ZZZ3: variants seen among roughly 807,000 people sequenced by gnomAD.
ZZZ3 encodes the protein zinc finger ZZ-type containing 3, also known as ZZ-type zinc finger-containing protein 3.
ZZZ3 carries 22 observed loss-of-function variants against 95.2 expected under a neutral mutation model. The ratio of observed to expected loss-of-function variants is 0.23; its 90% CI spans 0.17 to 0.33. The LOEUF (loss-of-function observed/expected upper bound fraction) is 0.33, where lower values mean the gene tolerates loss of function less well. Ranked by LOEUF, ZZZ3 falls within the 10% of genes least tolerant of loss-of-function variation. The probability of loss-of-function intolerance (pLI) is 1.00; values close to 1 mark genes in which losing one functional copy is unlikely to be tolerated. For synonymous variants in ZZZ3, 335 were observed against 358.9 expected (o/e 0.93, Z 0.75); for missense variants, 885 against 1,066.5 (o/e 0.83, Z 2.37).
Position 77,576,265 on chromosome 1 carries a change from T to C in ZZZ3, c.2179-45A>G, listed in dbSNP as rs759790880. On this transcript the variant is annotated intron_variant, in intron 11 of 14. Transcript: ENST00000370801. ...TTTAATTGGTTCAGTGAAAAATCAT[T>C]ACAAGAATCAAAAATATAAAAATAC... The C allele has an allele frequency of 1.5e-5, 22 of 1,472,948 alleles. No individual in the cohort carries two copies. The East Asian group carries it at 4.6e-4, about 31-fold the overall frequency. The allele number at this position is 1,472,948 out of a possible 1,614,324, so 91.2% of individuals were successfully genotyped here.
At chr1:77,664,477 A>G (rs927696681) in intron 1 of ZZZ3, among the ~76,000 whole-genome samples, 22 of 152,338 alleles carry the variant, frequency 1.4e-4, no homozygotes, top group African/African-American at 4.8e-4. Flanking sequence ...AGGCTCCTCG[A>G]AGGAATAGAG....
At chr1:77,616,464 C>A (rs1216946171) in intron 5 of ZZZ3, among the ~76,000 whole-genome samples, 1 of 152,216 alleles carries the variant, frequency 6.6e-6, no homozygotes, top group African/African-American at 2.4e-5. Context: ...TGTTTAAAAA[C>A]TTCCCCTAAA....
chr1:77,592,384 C>A (rs533513427), intron 5 of ZZZ3, among the ~76,000 whole-genome samples: 1 of 152,278 alleles, frequency 6.6e-6, no homozygotes, highest in South Asian at 2.1e-4. Flanking sequence ...CTCACTGCAA[C>A]CTCCGCCTCC....
intron 5 of ZZZ3, among the ~76,000 whole-genome samples, chr1:77,627,418 T>C (rs1667432913): frequency 6.6e-6 from 1 of 152,170 alleles, no homozygotes; most frequent in African/African-American, 2.4e-5. Context: ...GGAGTTTTTC[T>C]GGCCCCTTGA....
chr1:77,658,170 CTT>C (rs1258854661), intron 1 of ZZZ3, among the ~76,000 whole-genome samples: 35 of 99,544 alleles, frequency 3.5e-4, no homozygotes, highest in Non-Finnish European at 7.2e-5. Context: ...CAGAGCGAGA[CTT>C]TGTCTCAAAA....
In ZZZ3 at chr1:77,584,577, G is replaced by A. The variant is rs764530246; in HGVS notation, c.1584C>T (p.Gly528=). The A allele has an allele frequency of 1.9e-6, 3 of 1,613,162 alleles. No homozygotes were observed. Among genetic ancestry groups the A allele is most frequent in the Non-Finnish European group, 1.7e-6 (2 of 1,179,726 alleles). Residue 528 remains glycine, a synonymous_variant, in exon 6 of 15, where the codon GGC becomes GGT. Transcript: ENST00000370801. The part of the protein sequence containing the change: ...SQAVQDLESL[G]RHQREALKNP... ...TTTTCAGTGCTTCTCTCTGGTGCCTGCCTAAACTTTCAAGGTCTTGGACTG... is the reference window on the plus strand; with the variant it reads ...TTTTCAGTGCTTCTCTCTGGTGCCTACCTAAACTTTCAAGGTCTTGGACTG...
chr1:77,659,130 A>G (rs1670554216), intron 1 of ZZZ3, among the ~76,000 whole-genome samples: 1 of 151,994 alleles, frequency 6.6e-6, no homozygotes, highest in Non-Finnish European at 1.5e-5. Context: ...AGTCAGGAGA[A>G]CTGCTTGAAC....
At chr1:77,584,804 T>C in intron 5 of ZZZ3, 149 bp from the exon 6 acceptor site, 1 of 489,710 alleles carries the variant, frequency 2.0e-6, no homozygotes, top group East Asian at 3.4e-5. Flanking sequence ...TGGGAATAAA[T>C]GAGGTCTTCC....
chr1:77,637,548 G>A (rs1668414802), intron 4 of ZZZ3, among the ~76,000 whole-genome samples: 1 of 152,114 alleles, frequency 6.6e-6, no homozygotes, highest in South Asian at 2.1e-4. Context: ...CCAGGTGCAG[G>A]GGCAGGGAAG....
At chr1:77,566,497 T>C (rs1384312269) in intron 13 of ZZZ3, among the ~76,000 whole-genome samples, 3 of 152,202 alleles carry the variant, frequency 2.0e-5, no homozygotes, top group African/African-American at 4.8e-5. Flanking sequence ...TTTGTAATCA[T>C]CTACTTGAAA....
chr1:77,566,506 A>T (rs1242746415), intron 13 of ZZZ3, among the ~76,000 whole-genome samples: 1 of 152,188 alleles, frequency 6.6e-6, no homozygotes, highest in Non-Finnish European at 1.5e-5. Context: ...ATCTACTTGA[A>T]AGGTACCTCA....
At chr1:77,594,921 C>CAAA (rs371690201) in intron 5 of ZZZ3, among the ~76,000 whole-genome samples, 4,166 of 80,458 alleles carry the variant, frequency 0.052, 102 homozygotes, top group African/African-American at 0.12. Context: ...TTGACAGGCC[C>CAAA]AAAAAAAAAA....
At chr1:77,608,633 A>T (rs1665479692) in intron 5 of ZZZ3, among the ~76,000 whole-genome samples, 1 of 152,236 alleles carries the variant, frequency 6.6e-6, no homozygotes, top group South Asian at 2.1e-4. Flanking sequence ...TGTGGTGTGT[A>T]AGCTACTCTT....
intron 1 of ZZZ3, among the ~76,000 whole-genome samples, chr1:77,660,905 C>T (rs1182183656): frequency 6.6e-6 from 1 of 152,110 alleles, no homozygotes; most frequent in East Asian, 1.9e-4. Flanking sequence ...AAAAGAATCA[C>T]ACATTTATGA....
chr1:77,680,958 A>T (rs980842829), intron 1 of ZZZ3, among the ~76,000 whole-genome samples: 1 of 152,182 alleles, frequency 6.6e-6, no homozygotes, highest in African/African-American at 2.4e-5. Flanking sequence ...GTTACTTGTG[A>T]TATTTTCACA....
chr1:77,595,355 G>C (rs1254347619), intron 5 of ZZZ3, among the ~76,000 whole-genome samples: 2 of 151,956 alleles, frequency 1.3e-5, no homozygotes, highest in East Asian at 3.8e-4. Flanking sequence ...GATCATTTCA[G>C]GGAGATACAA....
intron 5 of ZZZ3, among the ~76,000 whole-genome samples, chr1:77,615,809 G>A (rs1284006908): frequency 6.6e-6 from 1 of 152,078 alleles, no homozygotes; most frequent in Non-Finnish European, 1.5e-5. Context: ...TTATAAAGAG[G>A]AAAACATTCT....
intron 5 of ZZZ3, among the ~76,000 whole-genome samples, chr1:77,603,740 A>G (rs1223048927): frequency 6.6e-6 from 1 of 152,232 alleles, no homozygotes; most frequent in East Asian, 1.9e-4. Flanking sequence ...TAAGTTTTAT[A>G]TAAAGATTAT....
At chr1:77,573,028 C>T (rs1570398279) in intron 12 of ZZZ3, among the ~76,000 whole-genome samples, 1 of 152,130 alleles carries the variant, frequency 6.6e-6, no homozygotes, top group South Asian at 2.1e-4. Context: ...TCTTCACTGT[C>T]ACCCTCTCAG....
Sources: allele counts gnomAD v4.1 joint callset (sites outside exome capture counted in the v4.1 genomes callset), GRCh38; gene constraint gnomAD v4.1.1; transcripts MANE v1.5; gene names NCBI Gene and HGNC (gene_info 2026-07-23, HGNC 2026-07-21).